Variants in COL2A1 observed in about 807,000 individuals in gnomAD.
COL2A1 encodes collagen type II alpha 1 chain, also known as collagen alpha-1(II) chain.
Under a neutral mutation model 204.5 loss-of-function variants are expected in COL2A1, and 28 were observed. The ratio of observed to expected loss-of-function variants is 0.14; its 90% CI spans 0.10 to 0.19. The LOEUF is 0.19. Among genes scored for constraint, COL2A1 ranks in the 10% least tolerant of loss-of-function variants. The probability of loss-of-function intolerance (pLI) is 1.00; values close to 1 mark genes in which losing one functional copy is unlikely to be tolerated. For synonymous variants in COL2A1, 708 were observed against 718.7 expected (o/e 0.99, Z 0.24); for missense variants, 1,388 against 2,027.5 (o/e 0.68, Z 6.06).
chr12:47,991,992 G>A (rs1050206316), intron 16 of COL2A1, among the ~76,000 whole-genome samples: 4 of 152,172 alleles, frequency 2.6e-5, no homozygotes, highest in African/African-American at 9.7e-5. Flanking sequence ...GCAGCACAAC[G>A]GAGTGAAGCT....
intron 16 of COL2A1, among the ~76,000 whole-genome samples, chr12:47,992,547 A>G (rs1939755320): frequency 6.6e-6 from 1 of 152,220 alleles, no homozygotes; most frequent in Non-Finnish European, 1.5e-5. Flanking sequence ...AACAGAGAGT[A>G]GCACGGTGGT....
chr12:47,982,376 A>C (rs932440812), intron 34 of COL2A1, 126 bp downstream of exon 34: 3 of 870,252 alleles, frequency 3.4e-6, no homozygotes, highest in Non-Finnish European at 5.7e-6. Context: ...GGAGTCTTTA[A>C]GCTCCTCAAA....
Position 47,986,396 on chromosome 12 carries a change from G to A in COL2A1, c.1467C>T (p.Gly489=), listed in dbSNP as rs2136571245. The A allele has an allele frequency of 6.4e-7, 1 of 1,568,394 alleles. No individual in the cohort carries two copies. The highest frequency in any genetic ancestry group is 1.2e-5 in the South Asian group (1 of 85,292). Residue 489 remains glycine, a synonymous_variant, in exon 23 of 54, where the codon GGC becomes GGT. Coordinates refer to ENST00000380518, the MANE Select transcript of COL2A1 (RefSeq NM_001844.5). ...QGAPGPAGEE[G]KRGARGEPGG... ...CAGGCTCTCCACGGGCACCTCTCTT[G>A]CCTTCTTCACCAGCGGGTCCAGGGG...
chr12:47,985,312 C>T (rs989430889), intron 26 of COL2A1, among the ~76,000 whole-genome samples: 1 of 152,182 alleles, frequency 6.6e-6, no homozygotes. Context: ...GTCATCATTC[C>T]CCCAAGGATA....
In COL2A1 at chr12:47,984,082, C is replaced by T. The variant is rs1246649353; in HGVS notation, c.1941+5G>A. ...GCCACCTGGGGAGGCTGGGCAGGTA[C>T]TTACAGCAGGGCCAGGGGGTCCTGC... On this transcript the variant is annotated splice_donor_5th_base_variant and intron_variant, in intron 29 of 53. Transcript: ENST00000380518. The T allele has an allele frequency of 6.2e-7, 1 of 1,611,918 alleles. No homozygotes were observed. Among genetic ancestry groups the T allele is most frequent in the Non-Finnish European group, 8.5e-7 (1 of 1,179,224 alleles).
intron 2 of COL2A1, chr12:47,999,575 G>T: frequency 3.5e-6 from 1 of 289,668 alleles, no homozygotes; most frequent in Non-Finnish European, 6.5e-6. Flanking sequence ...GGATTGGCCA[G>T]ACAGAGCATT....
Position 47,986,342 on chromosome 12 carries a change from T to G in COL2A1, c.1521A>C (p.Gly507=), listed in dbSNP as rs773949941. ...PGGVGPIGPP[G]ERGAPGNRGF... is the part of the protein sequence containing the mutation. Reference sequence around the variant, plus strand: ...GCCTCCACATTCACTTAACTCTTTCTCCAGGGGGACCGATGGGCCCAACGC... The same window carrying G: ...GCCTCCACATTCACTTAACTCTTTCGCCAGGGGGACCGATGGGCCCAACGC... The change falls in exon 23 of 54, where the codon GGA becomes GGC. Residue 507 remains glycine (G), a synonymous_variant. Coordinates refer to ENST00000380518, the MANE Select transcript of COL2A1 (RefSeq NM_001844.5). 1 of 1,558,718 alleles carries G rather than the reference T, an allele frequency of 6.4e-7. No homozygotes were observed.
intron 16 of COL2A1, among the ~76,000 whole-genome samples, chr12:47,991,227 C>T (rs1939687901): frequency 6.6e-6 from 1 of 152,192 alleles, no homozygotes; most frequent in South Asian, 2.1e-4. Context: ...CCAGCCTGGG[C>T]CTGAGTGAAA....
At chr12:47,984,177 T>G in intron 28 of COL2A1, 37 bp from the exon 29 acceptor site, 1 of 1,600,076 alleles carries the variant, frequency 6.2e-7, no homozygotes, top group Non-Finnish European at 8.5e-7. Flanking sequence ...AATGACACGC[T>G]TTTCTTCCCA....
chr12:47,983,909 C>A, intron 29 of COL2A1, 173 bp from the exon 30 acceptor site: 1 of 914,320 alleles, frequency 1.1e-6, no homozygotes, highest in South Asian at 1.4e-5. Flanking sequence ...CACTCCTCTC[C>A]ACCAATGTGG....
chr12:47,995,864 C>A lies in COL2A1; in HGVS notation c.654+11G>T. The stretch of plus-strand genomic sequence containing the variant: ...GACACGATGGAGGCAAAAAGAATTG[C>A]AGATACTTACAGGAGCACCTGCAGG... On this transcript the variant is annotated intron_variant, in intron 9 of 53. Coordinates refer to ENST00000380518, the MANE Select transcript of COL2A1 (RefSeq NM_001844.5). The A allele has an allele frequency of 6.2e-7, 1 of 1,612,416 alleles. No individual in the cohort carries two copies. The highest frequency in any genetic ancestry group is 8.5e-7 in the Non-Finnish European group (1 of 1,178,410).
At chr12:47,995,664 A>T in intron 10 of COL2A1, 46 bp downstream of exon 10, 3 of 1,586,828 alleles carry the variant, frequency 1.9e-6, no homozygotes, top group Non-Finnish European at 2.6e-6. Flanking sequence ...GTGGTCTATC[A>T]TTAGAGGCTC....
intron 6 of COL2A1, 62 bp from the exon 7 acceptor site, chr12:47,997,769 C>T (rs1180736931): frequency 2.0e-5 from 32 of 1,612,458 alleles, no homozygotes; most frequent in Non-Finnish European, 2.5e-5. Context: ...CCATCTGTCC[C>T]TTGGCTGCTC....
chr12:47,995,634 G>A lies in COL2A1; in HGVS notation c.708+76C>T, dbSNP rs1342652155. The A allele has an allele frequency of 5.0e-6, 7 of 1,401,684 alleles. No individual in the cohort carries two copies. The Admixed American group carries it at 1.0e-4, about 20-fold the overall frequency. The allele number at this position is 1,401,684 out of a possible 1,614,324, so 86.8% of individuals were successfully genotyped here. A position where few individuals can be genotyped will look rare whatever the true frequency, so the allele number is the denominator to read the frequency against. On this transcript the variant is annotated intron_variant, in intron 10 of 53. Coordinates refer to ENST00000380518, the MANE Select transcript of COL2A1 (RefSeq NM_001844.5). ...GAAAGAGCTGGGCAGAGCCTGGGAGGGACAGCAGCTGCGGTCCTAGTGGTC... is the reference window on the plus strand; with the variant it reads ...GAAAGAGCTGGGCAGAGCCTGGGAGAGACAGCAGCTGCGGTCCTAGTGGTC...
At chr12:47,993,113 A>G (rs1198813225) in intron 15 of COL2A1, among the ~76,000 whole-genome samples, 182 bp from the exon 16 acceptor site, 1 of 152,160 alleles carries the variant, frequency 6.6e-6, no homozygotes, top group Non-Finnish European at 1.5e-5. Context: ...ATCACACCCA[A>G]CAGTTTTCTC....
rs1940371665 is a variant in COL2A1, at chr12:48,004,299, T to C, written c.23A>G (p.Gln8Arg). 6.5e-7 allele frequency: 1 copy of C among 1,549,426 alleles called. No homozygotes were observed. The highest frequency in any genetic ancestry group is 2.4e-5 in the East Asian group (1 of 40,882). MIRLGAP[Q>R]TLVLLTLLVA... ...GAGCAGCGTCAGCAGCACCAGCGTCTGGGGAGCCCCGAGGCGAATCATGGC... is the reference window on the plus strand; with the variant it reads ...GAGCAGCGTCAGCAGCACCAGCGTCCGGGGAGCCCCGAGGCGAATCATGGC... Residue 8 changes from glutamine to arginine, a missense_variant, in exon 1 of 54, where the codon CAG (glutamine) becomes CGG (arginine). This residue lies in a region of COL2A1 where 201 missense variants were observed against 242.4 expected (regional missense o/e 0.83). Transcript: ENST00000380518.
In COL2A1 at chr12:47,996,706, C is replaced by A. The variant is rs551718081; in HGVS notation, c.532-81G>T. The A allele has an allele frequency of 2.1e-5, 22 of 1,056,084 alleles. No individual in the cohort carries two copies. The East Asian group carries it at 3.8e-4, about 18-fold the overall frequency. The allele number at this position is 1,056,084 out of a possible 1,614,324, so 65.4% of individuals were successfully genotyped here. On this transcript the variant is annotated intron_variant, in intron 7 of 53. Transcript: ENST00000380518. ...TGGCTAGGTAAGCTCTATATGGATA[C>A]AAAGAACTCTACTGAGATAAACTCT...
chr12:47,986,258 AG>A (rs1297033454), intron 23 of COL2A1, 77 bp downstream of exon 23: 1 of 1,003,458 alleles, frequency 1.0e-6, no homozygotes, highest in Admixed American at 2.0e-5. Flanking sequence ...AGACTTGACC[AG>A]AACACGGACC....
In COL2A1 at chr12:48,004,331, C is replaced by T. The variant is rs770570644; in HGVS notation, c.-10G>A. ...CCCCGAGGCGAATCATGGCTCACCG[C>T]GGGGCCTGGCTGAGCCGGGCCCGGG... On this transcript the variant is annotated 5_prime_UTR_variant, in exon 1 of 54. Coordinates refer to ENST00000380518, the MANE Select transcript of COL2A1 (RefSeq NM_001844.5). 7.8e-6 allele frequency: 12 copies of T among 1,531,220 alleles called. No individual in the cohort carries two copies. Among genetic ancestry groups the T allele is most frequent in the Non-Finnish European group, 9.7e-6 (11 of 1,130,612 alleles). 94.9% of individuals were successfully genotyped at this position (1,531,220 alleles called of 1,614,324 possible).
Sources: allele counts gnomAD v4.1 joint callset (sites outside exome capture counted in the v4.1 genomes callset), GRCh38; gene constraint gnomAD v4.1.1; regional missense constraint gnomAD v4.1.1; transcripts MANE v1.5; gene names NCBI Gene and HGNC (gene_info 2026-07-23, HGNC 2026-07-21).